MIR2052HG: variants seen among roughly 807,000 people sequenced by gnomAD.
MIR2052HG encodes the protein MIR2052 host gene.
chr8:74,653,880 A>G (rs772314908), intron 2 of MIR2052HG, among the ~76,000 whole-genome samples: 5 of 152,220 alleles, frequency 3.3e-5, no homozygotes, highest in Non-Finnish European at 7.3e-5. Context: ...AGCATGACAG[A>G]TATAGAATTA....
intron 2 of MIR2052HG, among the ~76,000 whole-genome samples, chr8:74,637,346 A>C (rs553721253): frequency 4.5e-4 from 68 of 152,238 alleles, no homozygotes; most frequent in African/African-American, 1.5e-3. Context: ...CTTCCAGGAT[A>C]CACATGCAAA....
intron 4 of MIR2052HG, among the ~76,000 whole-genome samples, chr8:74,746,427 T>C (rs1428097880): frequency 3.9e-5 from 6 of 152,138 alleles, no homozygotes; most frequent in Non-Finnish European, 8.8e-5. Flanking sequence ...TAGACGTCAT[T>C]GAGCACACCC....
chr8:74,659,186 G>A (rs186544669), intron 2 of MIR2052HG, among the ~76,000 whole-genome samples: 1 of 152,114 alleles, frequency 6.6e-6, no homozygotes, highest in African/African-American at 2.4e-5. Flanking sequence ...TTCTAAGAAA[G>A]GCTAAATATG....
intron 4 of MIR2052HG, among the ~76,000 whole-genome samples, chr8:74,741,147 T>C (rs1322112624): frequency 6.6e-6 from 1 of 152,200 alleles, no homozygotes; most frequent in African/African-American, 2.4e-5. Context: ...ATTAATTTCA[T>C]GGTCTTTGAA....
chr8:74,738,651 T>C (rs996867043), intron 4 of MIR2052HG, among the ~76,000 whole-genome samples: 32 of 152,324 alleles, frequency 2.1e-4, no homozygotes, highest in Admixed American at 4.6e-4. Flanking sequence ...TGTTAAAAAA[T>C]CACATTAACA....
At chr8:74,668,719 C>A (rs889449417) in intron 2 of MIR2052HG, among the ~76,000 whole-genome samples, 1 of 152,162 alleles carries the variant, frequency 6.6e-6, no homozygotes, top group Non-Finnish European at 1.5e-5. Flanking sequence ...GAGTTATCAG[C>A]CACCTCTTGG....
chr8:74,744,637 C>T (rs1169722206), intron 4 of MIR2052HG, among the ~76,000 whole-genome samples: 1 of 152,042 alleles, frequency 6.6e-6, no homozygotes, highest in African/African-American at 2.4e-5. Flanking sequence ...CATCCATGTC[C>T]CTACAAAGGA....
At chr8:74,639,655 TA>T (rs896843853) in intron 2 of MIR2052HG, among the ~76,000 whole-genome samples, 5 of 152,218 alleles carry the variant, frequency 3.3e-5, no homozygotes, top group African/African-American at 1.2e-4. Context: ...AAACTCCTGT[TA>T]AAAATGTTCT....
chr8:74,699,364 C>T (rs143013351), intron 2 of MIR2052HG, among the ~76,000 whole-genome samples: 36 of 151,168 alleles, frequency 2.4e-4, no homozygotes, highest in East Asian at 9.7e-4. Flanking sequence ...ATCCCAAATG[C>T]GATCAATGAG....
chr8:74,612,074 C>CA (rs55837139), intron 1 of MIR2052HG, among the ~76,000 whole-genome samples: 97,865 of 152,006 alleles, frequency 0.64, 31,693 homozygotes, highest in Middle Eastern at 0.74. Context: ...AGGTGTAAAA[C>CA]GCCTGCCTTG....
At chr8:74,604,142 A>G in intron 1 of MIR2052HG, 4 of 889,910 alleles carry the variant, frequency 4.5e-6, no homozygotes, top group Non-Finnish European at 7.7e-6. Context: ...TTCTTAACTG[A>G]TTCTCCTTTC....
intron 2 of MIR2052HG, among the ~76,000 whole-genome samples, chr8:74,682,759 G>C (rs1041354895): frequency 6.6e-6 from 1 of 152,048 alleles, no homozygotes; most frequent in Admixed American, 6.6e-5. Context: ...TCCACTTCTT[G>C]ATATATACAC....
chr8:74,735,009 C>T (rs1809731851), intron 4 of MIR2052HG, among the ~76,000 whole-genome samples: 1 of 152,152 alleles, frequency 6.6e-6, no homozygotes, highest in Non-Finnish European at 1.5e-5. Context: ...GACCATAAAG[C>T]CATTTGTATC....
chr8:74,732,963 A>G lies in MIR2052HG; in HGVS notation n.372-19478A>G, dbSNP rs368541206. Among the ~76,000 whole-genome samples the G allele has an allele frequency of 6.6e-5, 10 of 152,282 alleles. No homozygotes were observed. The East Asian group carries it at 1.9e-3, about 29-fold the overall frequency. On this transcript the variant is annotated intron_variant and non_coding_transcript_variant, in intron 4 of 6. Transcript: ENST00000523442. ...GCCCTTAGAGAGCTGTGCACATAAGATGGATGTTATCTGGTTTAGGTTTTA... is the reference window on the plus strand; with the variant it reads ...GCCCTTAGAGAGCTGTGCACATAAGGTGGATGTTATCTGGTTTAGGTTTTA...
chr8:74,649,078 T>A (rs2128735949), intron 2 of MIR2052HG, among the ~76,000 whole-genome samples: 1 of 151,076 alleles, frequency 6.6e-6, no homozygotes, highest in Admixed American at 6.6e-5. Flanking sequence ...AAAAAAAAAA[T>A]TAGAATAGGA....
At chr8:74,659,444 T>C (rs774857237) in intron 2 of MIR2052HG, among the ~76,000 whole-genome samples, 1 of 152,328 alleles carries the variant, frequency 6.6e-6, no homozygotes, top group Non-Finnish European at 1.5e-5. Flanking sequence ...TCCTACATGC[T>C]TATTTTTTAT....
intron 4 of MIR2052HG, among the ~76,000 whole-genome samples, chr8:74,729,211 T>A (rs966175037): frequency 6.6e-6 from 1 of 152,148 alleles, no homozygotes; most frequent in African/African-American, 2.4e-5. Flanking sequence ...CTCCTCTGAT[T>A]TGATTGCTAG....
At chr8:74,689,081 G>T (rs2128739741) in intron 2 of MIR2052HG, among the ~76,000 whole-genome samples, 1 of 152,028 alleles carries the variant, frequency 6.6e-6, no homozygotes, top group East Asian at 1.9e-4. Flanking sequence ...CTGATTTTTT[G>T]GCTGGTTGTT....
intron 4 of MIR2052HG, among the ~76,000 whole-genome samples, chr8:74,736,858 G>A (rs760399147): frequency 2.6e-5 from 4 of 152,134 alleles, no homozygotes; most frequent in Non-Finnish European, 4.4e-5. Flanking sequence ...GGCCCTCCGG[G>A]ACCATTTCTG....
Sources: allele counts gnomAD v4.1 joint callset (sites outside exome capture counted in the v4.1 genomes callset), GRCh38; gene constraint gnomAD v4.1.1; transcripts MANE v1.5; gene names NCBI Gene and HGNC (gene_info 2026-07-23, HGNC 2026-07-21).